NKAIN3: variants seen among roughly 807,000 people sequenced by gnomAD.
NKAIN3 encodes sodium/potassium transporting ATPase interacting 3.
NKAIN3 carries 25 observed loss-of-function variants against 30.2 expected under a neutral mutation model. The observed-to-expected ratio is 0.83, with a 90% confidence interval of 0.60 to 1.16. NKAIN3 has a LOEUF of 1.16. Ranked by LOEUF, NKAIN3 falls within the 50% of genes most tolerant of loss-of-function variation. NKAIN3 has a pLI of 0.00. For missense variants in NKAIN3, 225 were observed against 254.1 expected (o/e 0.89, Z 0.78); for synonymous variants, 91 against 89.6 (o/e 1.02, Z -0.09).
At chr8:62,816,545 C>T (rs1006307733) in intron 4 of NKAIN3, among the ~76,000 whole-genome samples, 1 of 152,088 alleles carries the variant, frequency 6.6e-6, no homozygotes, top group East Asian at 1.9e-4. Flanking sequence ...CATGGCAGCT[C>T]TTGGTTCTGG....
At chr8:62,469,806 T>G (rs1806275540) in intron 1 of NKAIN3, among the ~76,000 whole-genome samples, 1 of 152,166 alleles carries the variant, frequency 6.6e-6, no homozygotes, top group Admixed American at 6.5e-5. Flanking sequence ...AGTAAAAGCC[T>G]ACAACAGGAT....
intron 1 of NKAIN3, among the ~76,000 whole-genome samples, chr8:62,330,720 TC>T (rs1307392039): frequency 6.6e-6 from 1 of 151,970 alleles, no homozygotes; most frequent in South Asian, 2.1e-4. Context: ...AATTAGAGTG[TC>T]CCTTCCCTTC....
chr8:62,640,676 C>A (rs913345079), intron 3 of NKAIN3, among the ~76,000 whole-genome samples: 1 of 152,042 alleles, frequency 6.6e-6, no homozygotes, highest in Non-Finnish European at 1.5e-5. Context: ...TGCTCTTTTT[C>A]CTCTGCGCGC....
At chr8:62,309,961 A>G (rs540032360) in intron 1 of NKAIN3, among the ~76,000 whole-genome samples, 1 of 150,400 alleles carries the variant, frequency 6.6e-6, no homozygotes, top group Admixed American at 6.6e-5. Flanking sequence ...ATCCTCAACT[A>G]TAAATTAATT....
intron 1 of NKAIN3, among the ~76,000 whole-genome samples, chr8:62,428,382 T>C (rs1804884660): frequency 6.6e-6 from 1 of 152,018 alleles, no homozygotes; most frequent in Non-Finnish European, 1.5e-5. Flanking sequence ...CTAGCTCATA[T>C]GGTAGTTCTA....
intron 3 of NKAIN3, among the ~76,000 whole-genome samples, chr8:62,735,767 C>G (rs1318503943): frequency 1.3e-5 from 2 of 152,058 alleles, no homozygotes; most frequent in African/African-American, 4.8e-5. Context: ...TTTGGGTACA[C>G]TATATTAGAG....
rs900305206 is a variant in NKAIN3 at position 62,973,305 on chromosome 8, C to T, written c.*7898C>T. Reference sequence around the variant, plus strand: ...CCCACCAACAGTGTTAAAAGCATTCCTATTTCTCCACATCCTCTCCAGCCT... The same window carrying T: ...CCCACCAACAGTGTTAAAAGCATTCTTATTTCTCCACATCCTCTCCAGCCT... On this transcript the variant is annotated 3_prime_UTR_variant, in exon 7 of 7. Coordinates refer to ENST00000623646, the MANE Select transcript of NKAIN3 (RefSeq NM_001304533.3). Among the ~76,000 whole-genome samples, 1 of 152,194 alleles carries T rather than the reference C, an allele frequency of 6.6e-6. No individual in the cohort carries two copies. The highest frequency in any genetic ancestry group is 1.5e-5 in the Non-Finnish European group (1 of 68,038).
intron 1 of NKAIN3, among the ~76,000 whole-genome samples, chr8:62,428,005 C>A (rs1241732552): frequency 6.6e-6 from 1 of 151,836 alleles, no homozygotes; most frequent in East Asian, 1.9e-4. Flanking sequence ...TTGCCATTAC[C>A]CTTCCCAGCC....
chr8:62,778,076 C>A (rs1397955819), intron 4 of NKAIN3, among the ~76,000 whole-genome samples: 1 of 152,080 alleles, frequency 6.6e-6, no homozygotes, highest in Non-Finnish European at 1.5e-5. Context: ...ATATGCTGAG[C>A]TGCCTGGAGC....
At chr8:62,351,267 C>T (rs1453431526) in intron 1 of NKAIN3, among the ~76,000 whole-genome samples, 1 of 149,974 alleles carries the variant, frequency 6.7e-6, no homozygotes, top group Non-Finnish European at 1.5e-5. Context: ...TTGTAAATAG[C>T]CTCCTCACAT....
chr8:62,728,530 G>A (rs976327346), intron 3 of NKAIN3, among the ~76,000 whole-genome samples: 5 of 136,846 alleles, frequency 3.7e-5, no homozygotes, highest in African/African-American at 1.3e-4. Context: ...GGGCATGGGT[G>A]GCGCAAGCCT....
intron 4 of NKAIN3, among the ~76,000 whole-genome samples, chr8:62,806,473 C>T (rs539228155): frequency 1.2e-3 from 184 of 152,254 alleles, no homozygotes; most frequent in African/African-American, 4.3e-3. Flanking sequence ...ACTATGTAGC[C>T]ATAAAAAATG....
intron 3 of NKAIN3, among the ~76,000 whole-genome samples, chr8:62,591,881 A>G (rs1452101467): frequency 1.3e-5 from 2 of 152,006 alleles, no homozygotes; most frequent in Admixed American, 6.6e-5. Context: ...TGACAAACAC[A>G]AATACCAGCC....
intron 1 of NKAIN3, chr8:62,383,592 G>C (rs2129594093): frequency 2.3e-6 from 1 of 444,432 alleles, no homozygotes; most frequent in African/African-American, 2.0e-5. Flanking sequence ...TGCTTCTCCT[G>C]TTATCTTGAC....
intron 1 of NKAIN3, among the ~76,000 whole-genome samples, chr8:62,258,474 C>T (rs185676894): frequency 5.3e-5 from 8 of 151,774 alleles, no homozygotes; most frequent in African/African-American, 1.4e-4. Flanking sequence ...CAGGGAGAAC[C>T]CCTCTCTCCA....
chr8:62,868,999 A>T (rs1255638857), intron 4 of NKAIN3, among the ~76,000 whole-genome samples: 1 of 151,866 alleles, frequency 6.6e-6, no homozygotes, highest in African/African-American at 2.4e-5. Flanking sequence ...CTGGCAGTAG[A>T]CTCTGTTGAT....
At chr8:62,736,985 A>G (rs903044261) in intron 3 of NKAIN3, among the ~76,000 whole-genome samples, 14 of 152,160 alleles carry the variant, frequency 9.2e-5, no homozygotes, top group Admixed American at 5.2e-4. Context: ...TTCCCCAGTG[A>G]GGATGTGTGT....
chr8:62,670,679 T>C (rs919725587), intron 3 of NKAIN3, among the ~76,000 whole-genome samples: 8 of 152,050 alleles, frequency 5.3e-5, no homozygotes, highest in African/African-American at 1.9e-4. Context: ...CTAGAGAAGG[T>C]AAAAGAGACC....
rs534401002 is a variant in NKAIN3, at chr8:62,962,634, C to T, written c.604-2720C>T. On this transcript the variant is annotated intron_variant, in intron 6 of 6. Coordinates refer to ENST00000623646, the MANE Select transcript of NKAIN3 (RefSeq NM_001304533.3). ...CCGCCTAGATGCCAGTAACACCATT[C>T]CCTACCAAACTGTGACAACCACTAC... Among the ~76,000 whole-genome samples, 4 of 152,260 alleles carry T rather than the reference C, an allele frequency of 2.6e-5. No homozygotes were observed. The South Asian group carries it at 8.3e-4, about 32-fold the overall frequency.
Sources: allele counts gnomAD v4.1 joint callset (sites outside exome capture counted in the v4.1 genomes callset), GRCh38; gene constraint gnomAD v4.1.1; transcripts MANE v1.5; gene names NCBI Gene and HGNC (gene_info 2026-07-23, HGNC 2026-07-21).